The following HEATR3 variants were observed in gnomAD, a reference collection of about 807,000 sequenced individuals.
The protein encoded by HEATR3 is HEAT repeat-containing protein 3.
HEATR3 carries 56 observed loss-of-function variants against 72.8 expected under a neutral mutation model. That is an observed-to-expected ratio of 0.77 (90% CI 0.62 to 0.96). HEATR3 has a LOEUF of 0.96. Among genes scored for constraint, HEATR3 ranks in the 40% least tolerant of loss-of-function variants. The pLI, the probability that HEATR3 is intolerant of heterozygous loss-of-function variation, is 0.00. For synonymous variants in HEATR3, 331 were observed against 318.1 expected (o/e 1.04, Z -0.43); for missense variants, 747 against 831.4 (o/e 0.90, Z 1.25).
intron 6 of HEATR3, among the ~76,000 whole-genome samples, chr16:50,077,165 C>T (rs943713455): frequency 1.5e-4 from 23 of 151,892 alleles, no homozygotes; most frequent in South Asian, 4.2e-4. Context: ...TGAGCCACCG[C>T]GCCTGGCCTA....
intron 12 of HEATR3, among the ~76,000 whole-genome samples, chr16:50,098,042 T>C (rs1178720904): frequency 6.6e-6 from 1 of 152,132 alleles, no homozygotes; most frequent in African/African-American, 2.4e-5. Context: ...TTTCTAGGTC[T>C]TTTTAGTGGA....
At chr16:50,103,144 T>C (rs1487007476) in intron 14 of HEATR3, among the ~76,000 whole-genome samples, 3 of 152,176 alleles carry the variant, frequency 2.0e-5, no homozygotes, top group Non-Finnish European at 4.4e-5. Context: ...CCTATTTCCC[T>C]GCAGCTTCAA....
intron 7 of HEATR3, among the ~76,000 whole-genome samples, chr16:50,081,812 G>A (rs2036873966): frequency 6.6e-6 from 1 of 152,122 alleles, no homozygotes; most frequent in African/African-American, 2.4e-5. Flanking sequence ...CAAAAGTAGA[G>A]TACTCTCTGC....
At chr16:50,100,746 C>A in intron 13 of HEATR3, 1 of 233,248 alleles carries the variant, frequency 4.3e-6, no homozygotes, top group Non-Finnish European at 8.3e-6. Flanking sequence ...ACACCATTTT[C>A]CTTGCACACC....
intron 2 of HEATR3, 152 bp from the exon 3 acceptor site, chr16:50,068,628 A>G (rs966647564): frequency 8.0e-6 from 5 of 622,402 alleles, no homozygotes; most frequent in South Asian, 1.9e-5. Flanking sequence ...ACAGATGGAA[A>G]TCTCTGGATT....
At chr16:50,084,727 G>A (rs777296703) in intron 10 of HEATR3, 76 bp downstream of exon 10, 2 of 1,133,114 alleles carry the variant, frequency 1.8e-6, no homozygotes, top group Non-Finnish European at 2.6e-6. Flanking sequence ...AATAGAAGGT[G>A]CTGACTCCCC....
rs1488289550 is a variant in HEATR3, at chr16:50,105,477, A to AC, written c.*416_*417insC. On this transcript the variant is annotated 3_prime_UTR_variant, in exon 15 of 15. Coordinates refer to ENST00000299192, the MANE Select transcript of HEATR3 (RefSeq NM_182922.4). Reference sequence around the variant, plus strand: ...ACCCTGTCTCCAAAAAAAAAAAAAAAAAAAAACTTCAAAACCTGTCAGAAA... The same window carrying AC: ...ACCCTGTCTCCAAAAAAAAAAAAAAACAAAAAACTTCAAAACCTGTCAGAAA... 6.4e-6 allele frequency: 1 copy of AC among 155,584 alleles called. No homozygotes were observed. Among genetic ancestry groups the AC allele is most frequent in the Non-Finnish European group, 1.4e-5 (1 of 70,712 alleles). The allele number at this position is 155,584 out of a possible 1,614,324, so 9.6% of individuals were successfully genotyped here. A position where few individuals can be genotyped will look rare whatever the true frequency, so the allele number is the denominator to read the frequency against.
At chr16:50,080,486 A>G (rs182546271) in intron 7 of HEATR3, among the ~76,000 whole-genome samples, 1 of 151,972 alleles carries the variant, frequency 6.6e-6, no homozygotes, top group African/African-American at 2.4e-5. Flanking sequence ...GATTACAGGC[A>G]TGTGTCACCA....
chr16:50,081,753 T>C (rs534390344), intron 7 of HEATR3, among the ~76,000 whole-genome samples: 86 of 152,208 alleles, frequency 5.7e-4, no homozygotes, highest in African/African-American at 2.0e-3. Flanking sequence ...CACAAAGATA[T>C]AAAGGAAGAG....
intron 11 of HEATR3, among the ~76,000 whole-genome samples, chr16:50,086,659 G>T (rs571462694): frequency 1.3e-5 from 2 of 152,304 alleles, no homozygotes; most frequent in South Asian, 2.1e-4. Context: ...GCCAAGCACG[G>T]TGGCTCATGC....
At chr16:50,085,689 T>G (rs2036972196) in intron 10 of HEATR3, among the ~76,000 whole-genome samples, 1 of 151,958 alleles carries the variant, frequency 6.6e-6, no homozygotes, top group African/African-American at 2.4e-5. Flanking sequence ...CTAAAACATA[T>G]TCCTCATGAC....
Position 50,105,087 on chromosome 16 carries a change from T to C in HEATR3, c.*26T>C, listed in dbSNP as rs1456715133. ...ACAATCCAAAAAAGAAACCAGTTCT[T>C]CCCCCAAAGTATTCAATGCTTAGAA... On this transcript the variant is annotated 3_prime_UTR_variant, in exon 15 of 15. Transcript: ENST00000299192. 1.2e-6 allele frequency: 2 copies of C among 1,604,044 alleles called. No individual in the cohort carries two copies. The highest frequency in any genetic ancestry group is 8.5e-7 in the Non-Finnish European group (1 of 1,175,880).
At chr16:50,089,400 G>A (rs201613047) in intron 11 of HEATR3, among the ~76,000 whole-genome samples, 1 of 16,052 alleles carries the variant, frequency 6.2e-5, no homozygotes, top group African/African-American at 1.4e-4. Context: ...TTGGTAGTCT[G>A]AATTGGCCTT....
intron 10 of HEATR3, among the ~76,000 whole-genome samples, chr16:50,084,886 A>G (rs1284425058): frequency 6.6e-6 from 1 of 152,176 alleles, no homozygotes; most frequent in Non-Finnish European, 1.5e-5. Flanking sequence ...TCAGAGTTAG[A>G]ATGGTAAATA....
At chr16:50,098,714 T>C (rs1302641237) in intron 12 of HEATR3, among the ~76,000 whole-genome samples, 1 of 151,588 alleles carries the variant, frequency 6.6e-6, no homozygotes, top group Non-Finnish European at 1.5e-5. Context: ...GAAAGAAAAA[T>C]ATTTTTCAAA....
chr16:50,103,359 C>T (rs2037409997), intron 14 of HEATR3, among the ~76,000 whole-genome samples: 1 of 152,190 alleles, frequency 6.6e-6, no homozygotes, highest in African/African-American at 2.4e-5. Context: ...AGATTTCTTC[C>T]TAGCCAGAGG....
At chr16:50,077,525 A>T (rs1291659279) in intron 6 of HEATR3, among the ~76,000 whole-genome samples, 1 of 152,166 alleles carries the variant, frequency 6.6e-6, no homozygotes, top group Non-Finnish European at 1.5e-5. Context: ...AAAAATCCGG[A>T]ACTCTTTTTC....
rs760526122 is a variant in HEATR3 at position 50,070,334 on chromosome 16, A to G, written c.512+44A>G. ...ACAGTCTCCTGCTATAGCAGTACCC[A>G]GGCTGCTATTCTCTGTTATACTGTG... On this transcript the variant is annotated intron_variant, in intron 4 of 14. Coordinates refer to ENST00000299192, the MANE Select transcript of HEATR3 (RefSeq NM_182922.4). 8.3e-6 allele frequency: 8 copies of G among 968,748 alleles called. No homozygotes were observed. The South Asian group carries it at 1.1e-4, about 14-fold the overall frequency. The allele number at this position is 968,748 out of a possible 1,614,324, so 60.0% of individuals were successfully genotyped here.
At chr16:50,068,298 C>T (rs964755584) in intron 2 of HEATR3, among the ~76,000 whole-genome samples, 7 of 152,114 alleles carry the variant, frequency 4.6e-5, no homozygotes, top group African/African-American at 1.4e-4. Context: ...CCTTGCAGTT[C>T]GCTTTTTATT....
Sources: allele counts gnomAD v4.1 joint callset (sites outside exome capture counted in the v4.1 genomes callset), GRCh38; gene constraint gnomAD v4.1.1; transcripts MANE v1.5; gene names NCBI Gene and HGNC (gene_info 2026-07-23, HGNC 2026-07-21).